EVC: variants seen among roughly 807,000 people sequenced by gnomAD.
EVC encodes the protein EvC ciliary complex subunit 1.
EVC carries 116 observed loss-of-function variants against 118.9 expected under a neutral mutation model. The observed-to-expected ratio is 0.98, with a 90% CI of 0.84 to 1.14. The LOEUF (loss-of-function observed/expected upper bound fraction) is 1.14, where lower values mean the gene tolerates loss of function less well. Among genes scored for constraint, EVC ranks in the 50% most tolerant of loss-of-function variants. EVC has a pLI of 0.00. For synonymous variants in EVC, 619 were observed against 534.7 expected (o/e 1.16, Z -2.18); for missense variants, 1,401 against 1,246.4 (o/e 1.12, Z -1.87).
chr4:5,756,818 G>C lies in EVC; in HGVS notation c.1563+456G>C, dbSNP rs1223237145. Among the ~76,000 whole-genome samples, 8 of 152,154 alleles carry C rather than the reference G, an allele frequency of 5.3e-5. No homozygotes were observed. Among genetic ancestry groups the C allele is most frequent in the Admixed American group, 5.2e-4 (8 of 15,278 alleles). On this transcript the variant is annotated intron_variant, in intron 11 of 20. Transcript: ENST00000264956. This position sits in a 1 kb window ranked among gnomAD's most constrained non-coding sequence, Gnocchi z 4.2. ...TGGGGAGGTGAAGCTGGCCATGCTT[G>C]CCCTGCAGGGTGACTTTCAGAGAGC...
intron 18 of EVC, among the ~76,000 whole-genome samples, 156 bp downstream of exon 18, chr4:5,808,483 G>A (rs1032020233): frequency 2.6e-5 from 4 of 152,196 alleles, no homozygotes; most frequent in Non-Finnish European, 4.4e-5. Context: ...AGGGTGTGTC[G>A]GCCTCGCCTT....
intron 11 of EVC, among the ~76,000 whole-genome samples, chr4:5,766,073 T>TTTTTAGGG (rs1404994622): frequency 2.9e-5 from 4 of 136,362 alleles, no homozygotes; most frequent in Non-Finnish European, 4.8e-5. Flanking sequence ...AGCGCTTCCT[T>TTTTTAGGG]CAGGAGCTCT....
At chr4:5,807,894 G>T (rs1012899162) in intron 17 of EVC, among the ~76,000 whole-genome samples, 1 of 152,196 alleles carries the variant, frequency 6.6e-6, no homozygotes, top group African/African-American at 2.4e-5. Flanking sequence ...CCACCTCTCT[G>T]GGTTTCTTCC....
chr4:5,774,453 T>A (rs1388561927), intron 11 of EVC, among the ~76,000 whole-genome samples: 1 of 151,938 alleles, frequency 6.6e-6, no homozygotes, highest in African/African-American at 2.4e-5. Flanking sequence ...ATAAATCCTT[T>A]CTAATCCTCA....
chr4:5,776,024 G>GT lies in EVC; in HGVS notation c.1564-7519dup, dbSNP rs200868464. Among the ~76,000 whole-genome samples the GT allele has an allele frequency of 2.3e-3, 345 of 150,438 alleles. 6 individuals are homozygous for GT. In the East Asian group the frequency reaches 0.047, roughly 20 times the overall value. ...AGCTATAATATGTAATATAGCTGTT[G>GT]TTTTTTTTTAATCAAGTTAAGGAAG... On this transcript the variant is annotated intron_variant, in intron 11 of 20. Coordinates refer to ENST00000264956, the MANE Select transcript of EVC (RefSeq NM_153717.3).
At chr4:5,814,739 T>C (rs1260077586), downstream of EVC, among the ~76,000 whole-genome samples, 1 of 151,756 alleles carries the variant, frequency 6.6e-6, no homozygotes, top group Non-Finnish European at 1.5e-5. Flanking sequence ...GCTCATGATG[T>C]GCATTCTTTC....
rs765649430 is a variant in EVC, at chr4:5,756,721, C to A, written c.1563+359C>A. On this transcript the variant is annotated intron_variant, in intron 11 of 20. Coordinates refer to ENST00000264956, the MANE Select transcript of EVC (RefSeq NM_153717.3). This position sits in a 1 kb window ranked among gnomAD's most constrained non-coding sequence, Gnocchi z 4.2. ...GTGGTGATGAAGAAGGGGTTCTGGG[C>A]TGAAATGGGGACGTCAGAGATCACA... Among the ~76,000 whole-genome samples, 10 of 152,268 alleles carry A rather than the reference C, an allele frequency of 6.6e-5. No individual in the cohort carries two copies. Among genetic ancestry groups the A allele is most frequent in the Non-Finnish European group, 1.5e-4 (10 of 68,020 alleles).
chr4:5,723,182 C>G (rs942324300), intron 2 of EVC, among the ~76,000 whole-genome samples: 4 of 149,806 alleles, frequency 2.7e-5, no homozygotes, highest in Non-Finnish European at 4.4e-5. Context: ...GCACCAACAT[C>G]CTTTCCTTCT....
At chr4:5,782,856 AAG>A (rs1310865354) in intron 11 of EVC, among the ~76,000 whole-genome samples, 2 of 152,182 alleles carry the variant, frequency 1.3e-5, no homozygotes, top group African/African-American at 4.8e-5. Context: ...AGGGAAGACA[AAG>A]AGACCAGTGG....
intron 13 of EVC, among the ~76,000 whole-genome samples, chr4:5,796,168 T>G (rs1309394632): frequency 1.3e-5 from 2 of 152,220 alleles, no homozygotes; most frequent in Non-Finnish European, 2.9e-5. Flanking sequence ...TTGTATAGTT[T>G]CCAGTTATCT....
At chr4:5,783,510 C>A in intron 11 of EVC, 42 bp from the exon 12 acceptor site, 1 of 1,597,522 alleles carries the variant, frequency 6.3e-7, no homozygotes, top group Non-Finnish European at 8.6e-7. Context: ...CACACAGGGT[C>A]CTGCCGTGAC....
At chr4:5,817,375 C>G (rs963470224), downstream of EVC, among the ~76,000 whole-genome samples, 3 of 152,192 alleles carry the variant, frequency 2.0e-5, no homozygotes, top group African/African-American at 7.2e-5. Context: ...GATAGCCAGG[C>G]TGCCTAAGTG....
In EVC at chr4:5,734,632, G is replaced by C. The variant is rs1015161243; in HGVS notation, c.702+1197G>C. On this transcript the variant is annotated intron_variant, in intron 5 of 20. Coordinates refer to ENST00000264956, the MANE Select transcript of EVC (RefSeq NM_153717.3). The stretch of plus-strand genomic sequence containing the variant: ...TGATCACACCACTGCACTCCGACCT[G>C]GGCAACACAGCGACATCCTGTCTCA... Among the ~76,000 whole-genome samples the C allele has an allele frequency of 2.0e-5, 3 of 152,114 alleles. No individual in the cohort carries two copies. The East Asian group carries it at 5.8e-4, about 29-fold the overall frequency.
downstream of EVC, among the ~76,000 whole-genome samples, chr4:5,814,828 C>T (rs1408789131): frequency 6.6e-6 from 1 of 152,096 alleles, no homozygotes; most frequent in Non-Finnish European, 1.5e-5. Context: ...GGACTCACAT[C>T]TCCAGAGATC....
rs1406315091 is a variant in EVC, at chr4:5,765,047, T to C, written c.1563+8685T>C. On this transcript the variant is annotated intron_variant, in intron 11 of 20. Coordinates refer to ENST00000264956, the MANE Select transcript of EVC (RefSeq NM_153717.3). ...TTCCTCTTGTGGGCATTTAGTGCTA[T>C]AAATTTCTCTCTACACACTGCTTTG... is the stretch of plus-strand genomic sequence containing the variant. Among the ~76,000 whole-genome samples, 8 of 117,924 alleles carry C rather than the reference T, an allele frequency of 6.8e-5. 2 individuals are homozygous for C. The highest frequency in any genetic ancestry group is 1.3e-4 in the Non-Finnish European group (7 of 54,398). 77.4% of individuals were successfully genotyped at this position (117,924 alleles called of 152,430 possible). A position where few individuals can be genotyped will look rare whatever the true frequency, so the allele number is the denominator to read the frequency against.
chr4:5,725,772 G>C (rs1012280642), intron 2 of EVC, among the ~76,000 whole-genome samples: 1 of 152,120 alleles, frequency 6.6e-6, no homozygotes, highest in African/African-American at 2.4e-5. Flanking sequence ...TGGCATTTTT[G>C]TCGTGAAATC....
intron 13 of EVC, among the ~76,000 whole-genome samples, chr4:5,795,619 T>A (rs1713801371): frequency 6.6e-6 from 1 of 152,152 alleles, no homozygotes; most frequent in Non-Finnish European, 1.5e-5. Flanking sequence ...ACCATTGCAC[T>A]CCAGCCTGGG....
intron 11 of EVC, among the ~76,000 whole-genome samples, chr4:5,762,707 G>T (rs199561911): frequency 0.4 from 53,821 of 134,982 alleles, 10,897 homozygotes; most frequent in South Asian, 0.48. Flanking sequence ...CTTCTTTTGA[G>T]AAGTGTCTGT....
chr4:5,804,409 C>T (rs1044921462), intron 16 of EVC, among the ~76,000 whole-genome samples: 1 of 152,196 alleles, frequency 6.6e-6, no homozygotes, highest in African/African-American at 2.4e-5. Flanking sequence ...ATCACTTTTC[C>T]TTTACAGTGT....
Sources: gnomAD v4.1 joint callset for allele counts (sites outside exome capture counted in the v4.1 genomes callset) on GRCh38, gnomAD v4.1.1 for gene constraint, Gnocchi (gnomAD v3.1) non-coding constraint, MANE v1.5 for transcripts, NCBI Gene and HGNC (gene_info 2026-07-23, HGNC 2026-07-21) for gene names.